Variants in EPHB1 observed in about 807,000 individuals in gnomAD.
The protein encoded by EPHB1 is EPH receptor B1.
EPHB1 carries 30 observed loss-of-function variants against 94.4 expected under a neutral mutation model. That is an observed-to-expected ratio of 0.32 (90% confidence interval 0.24 to 0.43). The LOEUF (loss-of-function observed/expected upper bound fraction) is 0.43, where lower values mean the gene tolerates loss of function less well. Among genes scored for constraint, EPHB1 ranks in the 20% least tolerant of loss-of-function variants. EPHB1 has a pLI of 1.00. For missense variants in EPHB1, 1,055 were observed against 1,308.3 expected (o/e 0.81, Z 2.99); for synonymous variants, 522 against 489.1 (o/e 1.07, Z -0.89).
intron 1 of EPHB1, among the ~76,000 whole-genome samples, chr3:134,818,709 C>T (rs182067717): frequency 6.6e-6 from 1 of 152,302 alleles, no homozygotes; most frequent in East Asian, 1.9e-4. Context: ...CTTTTTATGG[C>T]TGAGTAGTAT....
intron 3 of EPHB1, among the ~76,000 whole-genome samples, chr3:135,005,347 A>G (rs995100075): frequency 2.0e-5 from 3 of 152,244 alleles, no homozygotes; most frequent in African/African-American, 7.2e-5. Flanking sequence ...TGGGAGAACC[A>G]CTGCTCTCTT....
chr3:135,204,234 A>G (rs1942837131), intron 12 of EPHB1, among the ~76,000 whole-genome samples: 1 of 151,672 alleles, frequency 6.6e-6, no homozygotes, highest in African/African-American at 2.4e-5. Context: ...ACAGAGTTTC[A>G]CTCTTGTCAT....
intron 1 of EPHB1, among the ~76,000 whole-genome samples, chr3:134,830,297 C>G (rs574314319): frequency 2.0e-5 from 3 of 152,320 alleles, no homozygotes; most frequent in African/African-American, 4.8e-5. Context: ...GTACAATAAT[C>G]AAAATCAGGG....
chr3:134,868,569 G>A (rs1372238884), intron 1 of EPHB1, among the ~76,000 whole-genome samples: 1 of 152,202 alleles, frequency 6.6e-6, no homozygotes, highest in East Asian at 1.9e-4. Context: ...AGGCCATGGA[G>A]AAGCTGATCT....
At chr3:134,986,243 C>T (rs1283187144) in intron 3 of EPHB1, among the ~76,000 whole-genome samples, 1 of 151,998 alleles carries the variant, frequency 6.6e-6, no homozygotes, top group African/African-American at 2.4e-5. Flanking sequence ...TCCATGAAAC[C>T]AAATTTTTCA....
intron 3 of EPHB1, among the ~76,000 whole-genome samples, chr3:135,089,730 G>T (rs1428887953): frequency 6.6e-6 from 1 of 152,176 alleles, no homozygotes; most frequent in Non-Finnish European, 1.5e-5. Flanking sequence ...CATTCCTTCA[G>T]CTCTGGGTTC....
intron 12 of EPHB1, among the ~76,000 whole-genome samples, chr3:135,218,893 C>A (rs775885156): frequency 6.6e-6 from 1 of 152,178 alleles, no homozygotes; most frequent in Non-Finnish European, 1.5e-5. Flanking sequence ...TGTGTTGAAG[C>A]CCAAGGACGA....
intron 3 of EPHB1, among the ~76,000 whole-genome samples, chr3:135,014,732 A>G (rs139054752): frequency 6.6e-6 from 1 of 152,316 alleles, no homozygotes; most frequent in Non-Finnish European, 1.5e-5. Context: ...TGATGAGAGC[A>G]TGTGTCATTC....
At chr3:134,903,268 C>T (rs901825178) in intron 1 of EPHB1, among the ~76,000 whole-genome samples, 19 of 152,212 alleles carry the variant, frequency 1.2e-4, no homozygotes, top group African/African-American at 3.6e-4. Flanking sequence ...GCTCTGAGAG[C>T]CTGCTCAGGG....
intron 9 of EPHB1, among the ~76,000 whole-genome samples, chr3:135,171,536 A>G (rs185032198): frequency 1.2e-4 from 18 of 152,368 alleles, no homozygotes; most frequent in African/African-American, 3.8e-4. Flanking sequence ...AGAACTATCC[A>G]ACAGCTTTGA....
chr3:135,080,961 G>C (rs888651843), intron 3 of EPHB1, among the ~76,000 whole-genome samples: 2 of 152,290 alleles, frequency 1.3e-5, no homozygotes. Context: ...CTCTAGCACA[G>C]TGCTTGGAAC....
At chr3:135,252,231 A>G (rs914638263) in intron 15 of EPHB1, among the ~76,000 whole-genome samples, 10 of 151,154 alleles carry the variant, frequency 6.6e-5, no homozygotes, top group Non-Finnish European at 1.5e-4. Context: ...TTTTATTATT[A>G]TACTTTAAGT....
chr3:134,828,292 GATC>G (rs1461784068), intron 1 of EPHB1, among the ~76,000 whole-genome samples: 1 of 152,244 alleles, frequency 6.6e-6, no homozygotes, highest in African/African-American at 2.4e-5. Flanking sequence ...AACAAAAAAA[GATC>G]ATGGAGTCTT....
At chr3:135,071,511 G>A (rs1937708865) in intron 3 of EPHB1, among the ~76,000 whole-genome samples, 2 of 152,228 alleles carry the variant, frequency 1.3e-5, no homozygotes, top group African/African-American at 4.8e-5. Flanking sequence ...CTGCAGTTAT[G>A]TGATGAGATA....
At chr3:134,894,832 G>T (rs1533391) in intron 1 of EPHB1, among the ~76,000 whole-genome samples, 1 of 152,168 alleles carries the variant, frequency 6.6e-6, no homozygotes, top group Non-Finnish European at 1.5e-5. Context: ...GCTTTGTTCC[G>T]GGAAAACATC....
intron 11 of EPHB1, among the ~76,000 whole-genome samples, chr3:135,195,329 TTTTATTTATTTA>T (rs199716460): frequency 2.0e-5 from 3 of 151,770 alleles, no homozygotes; most frequent in Admixed American, 1.3e-4. Flanking sequence ...CCTGTTTTCT[TTTTATTTATTTA>T]TTTATTTATT....
intron 9 of EPHB1, among the ~76,000 whole-genome samples, chr3:135,171,507 A>G (rs1941800270): frequency 6.6e-6 from 1 of 152,250 alleles, no homozygotes; most frequent in Non-Finnish European, 1.5e-5. Flanking sequence ...CTAACACCAC[A>G]GAAGATGAAT....
chr3:135,033,623 T>A (rs1343963922), intron 3 of EPHB1, among the ~76,000 whole-genome samples: 2 of 152,234 alleles, frequency 1.3e-5, no homozygotes, highest in Non-Finnish European at 2.9e-5. Flanking sequence ...AGGTAAATTC[T>A]TCTTCGTAAT....
chr3:135,254,816 A>G (rs1395462857), intron 15 of EPHB1, among the ~76,000 whole-genome samples: 2 of 152,064 alleles, frequency 1.3e-5, no homozygotes, highest in South Asian at 2.1e-4. Flanking sequence ...TGTACCTCTG[A>G]TAGAATTCGG....
Sources: gnomAD v4.1 joint callset for allele counts (sites outside exome capture counted in the v4.1 genomes callset) on GRCh38, gnomAD v4.1.1 for gene constraint, MANE v1.5 for transcripts, NCBI Gene and HGNC (gene_info 2026-07-23, HGNC 2026-07-21) for gene names.